Variants in PDZRN4 observed in about 807,000 individuals in gnomAD.
The protein encoded by PDZRN4 is PDZ domain-containing RING finger protein 4.
A neutral mutation model predicts 99.0 loss-of-function variants in PDZRN4; 70 were observed. The observed-to-expected ratio is 0.71, with a 90% CI of 0.58 to 0.86. PDZRN4 has a LOEUF of 0.86. Ranked by LOEUF, PDZRN4 falls within the 40% of genes least tolerant of loss-of-function variation. The pLI is 0.00. For synonymous variants in PDZRN4, 551 were observed against 501.6 expected (o/e 1.10, Z -1.32); for missense variants, 1,474 against 1,331.2 (o/e 1.11, Z -1.67).
intron 3 of PDZRN4, among the ~76,000 whole-genome samples, chr12:41,329,210 C>T (rs1951728275): frequency 6.6e-6 from 1 of 152,044 alleles, no homozygotes; most frequent in Admixed American, 6.6e-5. Flanking sequence ...AGATGAAAAC[C>T]TCCTTTGAAG....
intron 9 of PDZRN4, among the ~76,000 whole-genome samples, chr12:41,568,557 C>T (rs1036376741): frequency 6.6e-6 from 1 of 152,094 alleles, no homozygotes; most frequent in African/African-American, 2.4e-5. Flanking sequence ...GTTCCAAGTA[C>T]CCCACTTGAA....
intron 3 of PDZRN4, among the ~76,000 whole-genome samples, chr12:41,443,293 G>A (rs1952696814): frequency 6.6e-6 from 1 of 152,112 alleles, no homozygotes; most frequent in Admixed American, 6.6e-5. Context: ...GGGAGTGGGG[G>A]AGAAGAAGGG....
intron 3 of PDZRN4, among the ~76,000 whole-genome samples, chr12:41,312,889 G>A (rs975749457): frequency 2.0e-5 from 3 of 152,056 alleles, no homozygotes; most frequent in Non-Finnish European, 4.4e-5. Flanking sequence ...TGCAGCCCCC[G>A]GAGGCTAGCA....
intron 3 of PDZRN4, among the ~76,000 whole-genome samples, chr12:41,365,344 A>T (rs559799018): frequency 6.6e-6 from 1 of 152,192 alleles, no homozygotes; most frequent in South Asian, 2.1e-4. Flanking sequence ...GAGCACATAC[A>T]TTGGTTCAGC....
chr12:41,484,030 A>G (rs1310463323), intron 3 of PDZRN4, among the ~76,000 whole-genome samples: 1 of 152,194 alleles, frequency 6.6e-6, no homozygotes. Flanking sequence ...AGATGAAAAT[A>G]TCTCGAGTTT....
chr12:41,240,963 C>A (rs1951098025), intron 3 of PDZRN4, among the ~76,000 whole-genome samples: 1 of 152,030 alleles, frequency 6.6e-6, no homozygotes, highest in Non-Finnish European at 1.5e-5. Context: ...CCTACTAATT[C>A]TGTATTGATT....
At chr12:41,370,652 T>G (rs1952034713) in intron 3 of PDZRN4, among the ~76,000 whole-genome samples, 1 of 151,946 alleles carries the variant, frequency 6.6e-6, no homozygotes, top group Non-Finnish European at 1.5e-5. Context: ...TCTCCTGCAT[T>G]TTCCCCGTTT....
At chr12:41,388,153 A>G (rs1189846620) in intron 3 of PDZRN4, among the ~76,000 whole-genome samples, 1 of 152,196 alleles carries the variant, frequency 6.6e-6, no homozygotes, top group Non-Finnish European at 1.5e-5. Context: ...CATTACCATT[A>G]GCAAACTAAC....
chr12:41,480,965 ATTACAGGGTTTTTT>A (rs1937663406), intron 3 of PDZRN4, among the ~76,000 whole-genome samples: 1 of 149,692 alleles, frequency 6.7e-6, no homozygotes, highest in Non-Finnish European at 1.5e-5. Context: ...AAAGCCTTAA[ATTACAGGGTTTTTT>A]TTTTTCTAAT....
chr12:41,366,414 C>T (rs116017296), intron 3 of PDZRN4, among the ~76,000 whole-genome samples: 1,658 of 152,162 alleles, frequency 0.011, 31 homozygotes, highest in African/African-American at 0.038. Flanking sequence ...ACATTATCAG[C>T]AGTAATATAT....
intron 3 of PDZRN4, among the ~76,000 whole-genome samples, chr12:41,205,185 T>A (rs1950840557): frequency 1.3e-5 from 2 of 151,904 alleles, no homozygotes; most frequent in African/African-American, 4.8e-5. Flanking sequence ...TAAATGATTC[T>A]AAATTCTTGA....
intron 5 of PDZRN4, among the ~76,000 whole-genome samples, chr12:41,531,079 T>A (rs867480703): frequency 6.6e-6 from 1 of 152,142 alleles, no homozygotes; most frequent in Non-Finnish European, 1.5e-5. Context: ...GCTGCTTGTG[T>A]TAACTAGCTC....
intron 3 of PDZRN4, among the ~76,000 whole-genome samples, chr12:41,432,543 T>G (rs1952593888): frequency 6.6e-6 from 1 of 152,210 alleles, no homozygotes; most frequent in Non-Finnish European, 1.5e-5. Flanking sequence ...GCACAGAATG[T>G]GAAAGGTACA....
chr12:41,484,918 A>G (rs1279649435), intron 3 of PDZRN4, among the ~76,000 whole-genome samples: 2 of 152,048 alleles, frequency 1.3e-5, no homozygotes, highest in Non-Finnish European at 2.9e-5. Context: ...CGTCTTTTAG[A>G]TTGTAACCTC....
In PDZRN4 at chr12:41,382,338, A is replaced by G. The variant is rs529879704; in HGVS notation, c.844-124118A>G. On this transcript the variant is annotated intron_variant, in intron 3 of 9. Coordinates refer to ENST00000402685, the MANE Select transcript of PDZRN4 (RefSeq NM_001164595.2). ...CACAGGCTCTGCCCTGTGTTTGGGT[A>G]TGGTCACTGACTAGTTTCCCTGCGC... is the stretch of plus-strand genomic sequence containing the variant. Among the ~76,000 whole-genome samples the G allele has an allele frequency of 2.6e-5, 4 of 152,228 alleles. No homozygotes were observed. The South Asian group carries it at 8.3e-4, about 32-fold the overall frequency.
intron 3 of PDZRN4, among the ~76,000 whole-genome samples, chr12:41,490,795 T>C (rs1937870554): frequency 1.3e-5 from 2 of 152,110 alleles, no homozygotes; most frequent in South Asian, 2.1e-4. Context: ...GGTCCTCTAC[T>C]TGGAACTTCT....
At chr12:41,566,369 G>A (rs1264677356) in intron 8 of PDZRN4, among the ~76,000 whole-genome samples, 1 of 152,032 alleles carries the variant, frequency 6.6e-6, no homozygotes. Context: ...ATGATGTCTG[G>A]CATTTGTAGC....
chr12:41,415,238 G>A (rs1952434576), intron 3 of PDZRN4, among the ~76,000 whole-genome samples: 1 of 151,686 alleles, frequency 6.6e-6, no homozygotes, highest in African/African-American at 2.4e-5. Context: ...TTGCAGCCTA[G>A]TTGGATACAA....
chr12:41,380,479 T>C (rs2121100390), intron 3 of PDZRN4, among the ~76,000 whole-genome samples: 1 of 152,190 alleles, frequency 6.6e-6, no homozygotes, highest in South Asian at 2.1e-4. Flanking sequence ...CTTTGATTCC[T>C]TTCTGTTAAA....
Sources: gnomAD v4.1 joint callset for allele counts (sites outside exome capture counted in the v4.1 genomes callset) on GRCh38, gnomAD v4.1.1 for gene constraint, MANE v1.5 for transcripts, NCBI Gene and HGNC (gene_info 2026-07-23, HGNC 2026-07-21) for gene names.